Variants in RAC1 observed in about 807,000 individuals in gnomAD.
RAC1 encodes Rac family small GTPase 1, also known as ras-related C3 botulinum toxin substrate 1.
A neutral mutation model predicts 25.2 loss-of-function variants in RAC1; 2 were observed. The ratio of observed to expected loss-of-function variants is 0.08; its 90% CI spans 0.03 to 0.25. The LOEUF is 0.25. RAC1 is among the 10% of genes least tolerant of loss of function. The pLI is 1.00. For missense variants in RAC1, 50 were observed against 235.7 expected (o/e 0.21, Z 5.16); for synonymous variants, 88 against 94.0 (o/e 0.94, Z 0.37).
At position 6,402,703 on chromosome 7, in the gene RAC1, TA is replaced by T. The variant is rs1384623428; in HGVS notation, c.*260del. 1 of 323,868 alleles carries T rather than the reference TA, an allele frequency of 3.1e-6. No individual in the cohort carries two copies. Among genetic ancestry groups the T allele is most frequent in the Non-Finnish European group, 5.5e-6 (1 of 180,546 alleles). 20.1% of individuals were successfully genotyped at this position (323,868 alleles called of 1,614,324 possible). On this transcript the variant is annotated 3_prime_UTR_variant, in exon 6 of 6. Transcript: ENST00000348035. The stretch of plus-strand genomic sequence containing the variant: ...TTAGCCCTAAAATGACAAGCCTTCT[TA>T]AAGCCTTATTTTTCAAAAGCGCCCC...
At chr7:6,394,310 C>T (rs1211367889) in intron 3 of RAC1, among the ~76,000 whole-genome samples, 1 of 152,184 alleles carries the variant, frequency 6.6e-6, no homozygotes, top group Admixed American at 6.5e-5. Flanking sequence ...TGAAATTGCC[C>T]TTCAGGTTTT....
chr7:6,387,363 C>T, intron 2 of RAC1, 80 bp downstream of exon 2: 1 of 1,003,560 alleles, frequency 1.0e-6, no homozygotes, highest in South Asian at 1.4e-5. Flanking sequence ...GCTGTAAAGC[C>T]ATCTTTAATC....
Position 6,392,057 on chromosome 7 carries a change from G to C in RAC1, c.225+16G>C, listed in dbSNP as rs768947259. The C allele has an allele frequency of 2.5e-6, 4 of 1,614,048 alleles. No individual in the cohort carries two copies. In the East Asian group the frequency reaches 6.7e-5, roughly 27 times the overall value. On this transcript the variant is annotated intron_variant, in intron 3 of 5. Coordinates refer to ENST00000348035, the MANE Select transcript of RAC1 (RefSeq NM_006908.5). ...TCCGCAAACAGTAAGGATTGCAGCT[G>C]ACTTTTAATGTGTCTTTTAGAGTAT...
intron 3 of RAC1, among the ~76,000 whole-genome samples, chr7:6,397,476 G>C (rs1783277160): frequency 6.6e-6 from 1 of 151,582 alleles, no homozygotes; most frequent in South Asian, 2.1e-4. Context: ...TGTATTTTTA[G>C]TAGACACAGG....
At chr7:6,379,880 A>G (rs376035429) in intron 1 of RAC1, among the ~76,000 whole-genome samples, 35 of 152,066 alleles carry the variant, frequency 2.3e-4, no homozygotes, top group African/African-American at 7.7e-4. Flanking sequence ...TCCCAAAGTG[A>G]TGGAATTACA....
Position 6,402,033 on chromosome 7 carries a change from G to T in RAC1, c.448+6G>T, listed in dbSNP as rs200079748. 1.9e-6 allele frequency: 3 copies of T among 1,612,052 alleles called. No homozygotes were observed. Among genetic ancestry groups the T allele is most frequent in the Non-Finnish European group, 2.5e-6 (3 of 1,179,116 alleles). ...AGCCATGGCTAAGGAGATTGGTATG[G>T]AATCCTGTGTTTTTCCTCCTCCTTG... On this transcript the variant is annotated splice_donor_region_variant and intron_variant, in intron 5 of 5. Coordinates refer to ENST00000348035, the MANE Select transcript of RAC1 (RefSeq NM_006908.5).
intron 4 of RAC1, among the ~76,000 whole-genome samples, 191 bp downstream of exon 4, chr7:6,400,379 A>T (rs1409760551): frequency 3.3e-5 from 5 of 149,622 alleles, no homozygotes; most frequent in Admixed American, 6.7e-5. Flanking sequence ...TCCAGGCTGG[A>T]GTTGTAGTGG....
chr7:6,400,363 G>T lies in RAC1; in HGVS notation c.288+175G>T, dbSNP rs80242092. Among the ~76,000 whole-genome samples the T allele has an allele frequency of 9.4e-3, 1,431 of 151,716 alleles. 16 individuals carry two copies. Among genetic ancestry groups the T allele is most frequent in the Middle Eastern group, 0.02 (6 of 294 alleles). On this transcript the variant is annotated intron_variant, in intron 4 of 5. Coordinates refer to ENST00000348035, the MANE Select transcript of RAC1 (RefSeq NM_006908.5). Reference sequence around the variant, plus strand: ...TCTTTTGAGACGGAGGTCTCACTCTGTTGTGTCCAGGCTGGAGTTGTAGTG... The same window carrying T: ...TCTTTTGAGACGGAGGTCTCACTCTTTTGTGTCCAGGCTGGAGTTGTAGTG...
At chr7:6,380,088 G>A (rs1004963002) in intron 1 of RAC1, among the ~76,000 whole-genome samples, 11 of 152,174 alleles carry the variant, frequency 7.2e-5, no homozygotes, top group African/African-American at 2.2e-4. Context: ...TTTCTTAGCT[G>A]AATGTGAAAA....
intron 2 of RAC1, among the ~76,000 whole-genome samples, chr7:6,388,790 C>T (rs1045030807): frequency 2.6e-5 from 4 of 152,156 alleles, no homozygotes; most frequent in Non-Finnish European, 4.4e-5. Flanking sequence ...GTCACTTGGA[C>T]TCTTGGTGTT....
chr7:6,395,046 G>A (rs566069643), intron 3 of RAC1, among the ~76,000 whole-genome samples: 1 of 152,088 alleles, frequency 6.6e-6, no homozygotes, highest in Non-Finnish European at 1.5e-5. Flanking sequence ...AGTAGAGACG[G>A]GGTTTCACCA....
At position 6,387,206 on chromosome 7, in the gene RAC1, C is replaced by G. The variant is rs769451588; in HGVS notation, c.36-6C>G. On this transcript the variant is annotated splice_polypyrimidine_tract_variant and splice_region_variant and intron_variant, in intron 1 of 5. Coordinates refer to ENST00000348035, the MANE Select transcript of RAC1 (RefSeq NM_006908.5). ...ACTAAGCAACCTTTTTTCTCTTTCTCTTTAGAGCTGTAGGTAAAACTTGCC... is the reference window on the plus strand; with the variant it reads ...ACTAAGCAACCTTTTTTCTCTTTCTGTTTAGAGCTGTAGGTAAAACTTGCC... 1.9e-6 allele frequency: 3 copies of G among 1,549,904 alleles called. No individual in the cohort carries two copies. Among genetic ancestry groups the G allele is most frequent in the Non-Finnish European group, 2.6e-6 (3 of 1,147,082 alleles).
intron 1 of RAC1, among the ~76,000 whole-genome samples, chr7:6,376,501 C>CTTTTT (rs1782601672): frequency 1.1e-5 from 1 of 91,194 alleles, no homozygotes; most frequent in African/African-American, 5.2e-5. Flanking sequence ...TTTTTTTTTT[C>CTTTTT]TTTTCTTTTT....
intron 1 of RAC1, among the ~76,000 whole-genome samples, chr7:6,380,970 G>T (rs151147896): frequency 1.3e-5 from 2 of 152,120 alleles, no homozygotes; most frequent in African/African-American, 4.8e-5. Context: ...CCAGGTTCAG[G>T]CGATTCTCCT....
intron 1 of RAC1, among the ~76,000 whole-genome samples, chr7:6,378,065 C>T (rs946633154): frequency 6.6e-6 from 1 of 152,168 alleles, no homozygotes; most frequent in Admixed American, 6.6e-5. Context: ...CTCCTTGTCT[C>T]ATCATCCCTA....
chr7:6,402,670 A>G lies in RAC1; in HGVS notation c.*224A>G, dbSNP rs1783449961. On this transcript the variant is annotated 3_prime_UTR_variant, in exon 6 of 6. Coordinates refer to ENST00000348035, the MANE Select transcript of RAC1 (RefSeq NM_006908.5). ...ATGTAAGAGTTCAGACTCACATTCT[A>G]TTAAAATTTAGCCCTAAAATGACAA... 3 of 402,490 alleles carry G rather than the reference A, an allele frequency of 7.5e-6. No individual in the cohort carries two copies. The South Asian group carries it at 1.9e-4, about 25-fold the overall frequency. The allele number at this position is 402,490 out of a possible 1,614,324, so 24.9% of individuals were successfully genotyped here.
At chr7:6,398,317 G>A (rs1240960485) in intron 3 of RAC1, among the ~76,000 whole-genome samples, 2 of 152,162 alleles carry the variant, frequency 1.3e-5, no homozygotes, top group South Asian at 2.1e-4. Flanking sequence ...CGTGGCTCCC[G>A]CCTGCCTTTG....
intron 1 of RAC1, among the ~76,000 whole-genome samples, chr7:6,378,176 ATC>A (rs57089544): frequency 0.066 from 10,102 of 152,152 alleles, 982 homozygotes; most frequent in East Asian, 0.5. Context: ...CTTCATGAAA[ATC>A]TCTATTTCAA....
At chr7:6,395,188 A>G (rs1021039751) in intron 3 of RAC1, among the ~76,000 whole-genome samples, 3 of 149,708 alleles carry the variant, frequency 2.0e-5, no homozygotes, top group African/African-American at 4.9e-5. Context: ...CTGGTCTCCA[A>G]CTCCTGACCT....
Sources: allele counts gnomAD v4.1 joint callset (sites outside exome capture counted in the v4.1 genomes callset), GRCh38; gene constraint gnomAD v4.1.1; transcripts MANE v1.5; gene names NCBI Gene and HGNC (gene_info 2026-07-23, HGNC 2026-07-21).